The following ZNF875 variants were observed in gnomAD, a reference collection of about 807,000 sequenced individuals.
The protein encoded by ZNF875 is HKR1, GLI-Kruppel zinc finger family member.
ZNF875 carries 14 observed loss-of-function variants against 11.2 expected under a neutral mutation model. The observed-to-expected ratio is 1.26, with a 90% CI of 0.83 to 1.96. The LOEUF (loss-of-function observed/expected upper bound fraction) is 1.96, where lower values mean the gene tolerates loss of function less well. ZNF875 is among the 30% of genes most tolerant of loss of function. The probability of loss-of-function intolerance (pLI) is 0.00; values close to 1 mark genes in which losing one functional copy is unlikely to be tolerated. For synonymous variants in ZNF875, 301 were observed against 281.1 expected (o/e 1.07, Z -0.71); for missense variants, 752 against 760.4 (o/e 0.99, Z 0.13).
At chr19:37,317,893 G>C (rs1045536321), upstream of ZNF875, 2 of 153,354 alleles carry the variant, frequency 1.3e-5, no homozygotes, top group Non-Finnish European at 2.9e-5. Context: ...TCCCGTTTCC[G>C]GAAGCCCGGC....
intron 4 of ZNF875, among the ~76,000 whole-genome samples, chr19:37,354,782 G>A (rs562313504): frequency 8.5e-5 from 13 of 152,078 alleles, no homozygotes; most frequent in Non-Finnish European, 1.6e-4. Flanking sequence ...GTTGGTTCTC[G>A]TGAGATCAAG....
At chr19:37,339,783 T>C (rs1004630173) in intron 2 of ZNF875, among the ~76,000 whole-genome samples, 1 of 151,802 alleles carries the variant, frequency 6.6e-6, no homozygotes, top group African/African-American at 2.4e-5. Context: ...CAGGCTGGTC[T>C]CAAACTCCTG....
upstream of ZNF875, among the ~76,000 whole-genome samples, chr19:37,330,317 T>A (rs1361005470): frequency 6.6e-6 from 1 of 152,186 alleles, no homozygotes; most frequent in African/African-American, 2.4e-5. Flanking sequence ...TCTTCCATGC[T>A]AGGGACAGGA....
chr19:37,363,885 C>A lies in ZNF875; in HGVS notation c.*110C>A, dbSNP rs761031372. The A allele has an allele frequency of 7.3e-6, 6 of 820,752 alleles. No individual in the cohort carries two copies. The highest frequency in any genetic ancestry group is 1.2e-5 in the Non-Finnish European group (6 of 505,704). The allele number at this position is 820,752 out of a possible 1,614,324, so 50.8% of individuals were successfully genotyped here. ...TGGCTTTTTCAGCCATTGCTAGATACCAAAGTGGAGACATTCTGTGTGTGA... is the reference window on the plus strand; with the variant it reads ...TGGCTTTTTCAGCCATTGCTAGATAACAAAGTGGAGACATTCTGTGTGTGA... On this transcript the variant is annotated 3_prime_UTR_variant, in exon 5 of 5. Transcript: ENST00000392153.
At position 37,347,884 on chromosome 19, in the gene ZNF875, G is replaced by A. The variant is rs1357310578; in HGVS notation, c.256+12G>A. On this transcript the variant is annotated intron_variant, in intron 4 of 4. Transcript: ENST00000392153. ...GGACCTCTGTCCAGGTGAGTGTTGAGTGTGGGGTAGACGGGATAATCCACA... is the reference window on the plus strand; with the variant it reads ...GGACCTCTGTCCAGGTGAGTGTTGAATGTGGGGTAGACGGGATAATCCACA... The A allele has an allele frequency of 2.0e-6, 3 of 1,483,276 alleles. No homozygotes were observed. The highest frequency in any genetic ancestry group is 2.8e-6 in the Non-Finnish European group (3 of 1,060,730). The allele number at this position is 1,483,276 out of a possible 1,614,324, so 91.9% of individuals were successfully genotyped here. A position where few individuals can be genotyped will look rare whatever the true frequency, so the allele number is the denominator to read the frequency against.
chr19:37,321,628 C>T (rs900389535), intron 1 of ZNF875, among the ~76,000 whole-genome samples: 11 of 152,114 alleles, frequency 7.2e-5, no homozygotes, highest in African/African-American at 9.7e-5. Flanking sequence ...CTCAGTTTCC[C>T]GTCCCACCCG....
In ZNF875 at chr19:37,362,278, G is replaced by T; in HGVS notation, c.426G>T (p.Gln142His). Reference sequence around the variant, plus strand: ...ACTATCCAGAAGATCAGAAACAACAGCAGGATCCATTCTGCTTTAGTGGCA... The same window carrying T: ...ACTATCCAGAAGATCAGAAACAACATCAGGATCCATTCTGCTTTAGTGGCA... ...GKHYPEDQKQQQDPFCFSGKA... is the reference protein window; with the variant it reads ...GKHYPEDQKQHQDPFCFSGKA... Residue 142 changes from glutamine to histidine, a missense_variant, in exon 5 of 5, where the codon CAG becomes CAT. Gln to His is a conservative substitution (Grantham distance 24, BLOSUM62 0). Transcript: ENST00000392153. The T allele has an allele frequency of 1.2e-6, 2 of 1,614,186 alleles. No homozygotes were observed. Among genetic ancestry groups the T allele is most frequent in the Non-Finnish European group, 1.7e-6 (2 of 1,180,040 alleles).
chr19:37,360,890 A>G (rs1460042918), intron 4 of ZNF875, among the ~76,000 whole-genome samples: 2 of 151,864 alleles, frequency 1.3e-5, no homozygotes, highest in African/African-American at 4.8e-5. Flanking sequence ...TTGTTTTCTC[A>G]GTTTCATTTT....
At chr19:37,359,725 T>A (rs7258798) in intron 4 of ZNF875, 3,810 of 198,486 alleles carry the variant, frequency 0.019, 182 homozygotes, top group African/African-American at 0.086. Context: ...ATTAACCATT[T>A]GCATATCTTT....
chr19:37,359,754 C>A, intron 4 of ZNF875: 1 of 179,308 alleles, frequency 5.6e-6, no homozygotes, highest in East Asian at 1.9e-4. Context: ...AATGCCTATT[C>A]AATTCTTTTC....
intron 4 of ZNF875, chr19:37,358,133 C>CTTT (rs35011906): frequency 0.011 from 976 of 85,684 alleles, 5 homozygotes; most frequent in Middle Eastern, 0.034. Context: ...TTAAGATGAT[C>CTTT]TTTTTTTTTT....
intron 1 of ZNF875, among the ~76,000 whole-genome samples, chr19:37,320,723 G>T (rs2031249096): frequency 6.6e-6 from 1 of 152,162 alleles, no homozygotes; most frequent in South Asian, 2.1e-4. Flanking sequence ...GGAAGAGGGG[G>T]CTCAGCTGGG....
chr19:37,361,850 G>A (rs929973827), intron 4 of ZNF875: 1 of 378,680 alleles, frequency 2.6e-6, no homozygotes, highest in Admixed American at 4.4e-5. Flanking sequence ...CCTGGAGGCG[G>A]AGGTTGCAGT....
At chr19:37,358,988 C>T (rs1468403980) in intron 4 of ZNF875, among the ~76,000 whole-genome samples, 1 of 151,878 alleles carries the variant, frequency 6.6e-6, no homozygotes, top group East Asian at 1.9e-4. Context: ...GCAACCTCTG[C>T]CTCCTGGGTT....
In ZNF875 at chr19:37,362,741, C is replaced by T. The variant is rs756394172; in HGVS notation, c.889C>T (p.Leu297=). 1 of 1,613,636 alleles carries T rather than the reference C, an allele frequency of 6.2e-7. No individual in the cohort carries two copies. Among genetic ancestry groups the T allele is most frequent in the Non-Finnish European group, 8.5e-7 (1 of 1,179,726 alleles). Residue 297 remains leucine (L), a synonymous_variant, in exon 5 of 5, where the codon CTG becomes TTG. Coordinates refer to ENST00000392153, the MANE Select transcript of ZNF875 (RefSeq NM_001353803.2). Reference sequence around the variant, plus strand: ...GCGAGGCTTTACGTGGAAGTCAAACCTGATCACACATCAGAGGACACACTC... The same window carrying T: ...GCGAGGCTTTACGTGGAAGTCAAACTTGATCACACATCAGAGGACACACTC... ...CGRGFTWKSN[L]ITHQRTHSGE...
intron 1 of ZNF875, among the ~76,000 whole-genome samples, chr19:37,321,191 C>G (rs952230757): frequency 2.6e-5 from 4 of 152,112 alleles, no homozygotes; most frequent in Admixed American, 6.6e-5. Flanking sequence ...GACGTTCCCC[C>G]AGCCCGACAC....
intron 4 of ZNF875, among the ~76,000 whole-genome samples, chr19:37,360,963 C>T (rs2039799601): frequency 6.6e-6 from 1 of 151,516 alleles, no homozygotes; most frequent in Non-Finnish European, 1.5e-5. Flanking sequence ...CTTATATGAC[C>T]TAAGTACAAT....
At chr19:37,347,133 A>G in intron 2 of ZNF875, 57 bp from the exon 3 acceptor site, 1 of 1,611,260 alleles carries the variant, frequency 6.2e-7, no homozygotes, top group Non-Finnish European at 8.5e-7. Flanking sequence ...TCTCATTCTA[A>G]AGTGTGGGAG....
intron 1 of ZNF875, among the ~76,000 whole-genome samples, chr19:37,319,083 G>C (rs1327659466): frequency 6.8e-6 from 1 of 146,404 alleles, no homozygotes; most frequent in Non-Finnish European, 1.5e-5. Context: ...TTTCGCTCTT[G>C]TTGCCCAGGC....
Sources: allele counts gnomAD v4.1 joint callset (sites outside exome capture counted in the v4.1 genomes callset), GRCh38; gene constraint gnomAD v4.1.1; transcripts MANE v1.5; gene names NCBI Gene and HGNC (gene_info 2026-07-23, HGNC 2026-07-21).